The following DSE variants were observed in gnomAD, a reference collection of about 807,000 sequenced individuals.
DSE encodes dermatan sulfate epimerase.
DSE carries 36 observed loss-of-function variants against 84.4 expected under a neutral mutation model. The observed-to-expected ratio is 0.43, with a 90% CI of 0.33 to 0.56. DSE has a LOEUF of 0.56. Ranked by LOEUF, DSE falls within the 20% of genes least tolerant of loss-of-function variation. The probability of loss-of-function intolerance (pLI) is 0.06; values close to 1 mark genes in which losing one functional copy is unlikely to be tolerated. For synonymous variants in DSE, 410 were observed against 430.1 expected (o/e 0.95, Z 0.58); for missense variants, 862 against 1,169.6 (o/e 0.74, Z 3.84).
intron 2 of DSE, among the ~76,000 whole-genome samples, chr6:116,411,005 G>A (rs564373699): frequency 1.8e-4 from 28 of 152,096 alleles, no homozygotes; most frequent in Admixed American, 3.3e-4. Context: ...AGCTATTGAG[G>A]AATGCTATAA....
chr6:116,352,711 T>G (rs1307755619), intron 2 of DSE, among the ~76,000 whole-genome samples: 1 of 151,924 alleles, frequency 6.6e-6, no homozygotes, highest in Non-Finnish European at 1.5e-5. Flanking sequence ...AAATGTTAGG[T>G]CTGAGAGTTT....
At chr6:116,431,252 G>T in intron 4 of DSE, 59 bp downstream of exon 4, 1 of 1,590,090 alleles carries the variant, frequency 6.3e-7, no homozygotes, top group South Asian at 1.1e-5. Flanking sequence ...TTCTGATTAT[G>T]AAAATGAGCT....
At chr6:116,278,681 G>A in intron 2 of DSE, 3 of 1,614,124 alleles carry the variant, frequency 1.9e-6, no homozygotes, top group Non-Finnish European at 2.5e-6. Flanking sequence ...GGAAGGCTGT[G>A]GTCTGAAAAC....
chr6:116,299,504 T>TTA (rs71553739), intron 2 of DSE, among the ~76,000 whole-genome samples: 133 of 11,434 alleles, frequency 0.012, no homozygotes, highest in African/African-American at 0.025. Context: ...TGAATTATTT[T>TTA]TATATATATA....
At chr6:116,336,434 G>A (rs1201336484) in intron 2 of DSE, among the ~76,000 whole-genome samples, 1 of 152,112 alleles carries the variant, frequency 6.6e-6, no homozygotes, top group African/African-American at 2.4e-5. Context: ...AGTGATACAT[G>A]GTCTAATGTA....
At chr6:116,386,705 T>A (rs1780596615) in intron 1 of DSE, among the ~76,000 whole-genome samples, 1 of 152,222 alleles carries the variant, frequency 6.6e-6, no homozygotes, top group Non-Finnish European at 1.5e-5. Flanking sequence ...AAAGTGTTAC[T>A]GCCATGTAAC....
At chr6:116,268,013 G>T (rs1772709824) in intron 2 of DSE, among the ~76,000 whole-genome samples, 1 of 152,166 alleles carries the variant, frequency 6.6e-6, no homozygotes, top group African/African-American at 2.4e-5. Flanking sequence ...TTTGAGATGA[G>T]ATTTGGGTGG....
intron 1 of DSE, among the ~76,000 whole-genome samples, chr6:116,395,099 T>A (rs1341037201): frequency 6.6e-6 from 1 of 152,216 alleles, no homozygotes; most frequent in Non-Finnish European, 1.5e-5. Flanking sequence ...TTTGAGATAG[T>A]GTGTGTGTTT....
intron 2 of DSE, among the ~76,000 whole-genome samples, chr6:116,340,507 T>C (rs1777527553): frequency 6.6e-6 from 1 of 152,222 alleles, no homozygotes; most frequent in Admixed American, 6.5e-5. Context: ...ATTATTATTC[T>C]ACTTTAAGTT....
At chr6:116,429,562 G>A (rs115760071) in intron 3 of DSE, among the ~76,000 whole-genome samples, 2,013 of 152,226 alleles carry the variant, frequency 0.013, 44 homozygotes, top group African/African-American at 0.044. Flanking sequence ...ACAAGTCAGC[G>A]TTTCTGTTTT....
intron 2 of DSE, among the ~76,000 whole-genome samples, chr6:116,359,471 T>C (rs895510558): frequency 1.3e-5 from 2 of 152,216 alleles, no homozygotes; most frequent in Non-Finnish European, 2.9e-5. Flanking sequence ...AAATATACTT[T>C]TCTTCCTATT....
At position 116,436,779 on chromosome 6, in the gene DSE, A is replaced by T; in HGVS notation, c.2311A>T (p.Arg771Trp). 6.2e-7 allele frequency: 1 copy of T among 1,614,168 alleles called. No homozygotes were observed. The highest frequency in any genetic ancestry group is 8.5e-7 in the Non-Finnish European group (1 of 1,180,020). ...LSRVRNTASF[R>W]KTAERLLRFS... is the part of the protein sequence containing the mutation. ...CCGAGTCCGGAACACAGCTAGCTTT[A>T]GGAAGACTGCTGAACGCCTGCTGAG... Residue 771 changes from arginine (R) to tryptophan (W), a missense_variant, in exon 6 of 6, where the codon AGG (arginine) becomes TGG (tryptophan). Coordinates refer to ENST00000644252, the MANE Select transcript of DSE (RefSeq NM_013352.4).
intron 2 of DSE, among the ~76,000 whole-genome samples, chr6:116,305,367 A>G (rs1775283445): frequency 1.3e-5 from 2 of 152,208 alleles, no homozygotes; most frequent in African/African-American, 4.8e-5. Context: ...TTGTTGCTTT[A>G]AAAGTTCTCA....
intron 1 of DSE, chr6:116,257,068 G>A (rs2114586521): frequency 6.6e-6 from 1 of 152,266 alleles, no homozygotes; most frequent in African/African-American, 2.4e-5. Flanking sequence ...ATAAAGATTG[G>A]AAAATTTGTG....
At chr6:116,371,744 G>A (rs1363900370) in intron 1 of DSE, among the ~76,000 whole-genome samples, 1 of 152,236 alleles carries the variant, frequency 6.6e-6, no homozygotes, top group East Asian at 1.9e-4. Context: ...AGGCAGTCCC[G>A]GGGAGGGGAG....
chr6:116,320,135 A>G (rs1225965941), intron 2 of DSE, among the ~76,000 whole-genome samples: 1 of 152,206 alleles, frequency 6.6e-6, no homozygotes, highest in Non-Finnish European at 1.5e-5. Context: ...CAAAGATTAC[A>G]TTACCAGATT....
intron 2 of DSE, among the ~76,000 whole-genome samples, chr6:116,334,635 T>TC (rs2114800054): frequency 6.6e-6 from 1 of 152,304 alleles, no homozygotes; most frequent in Admixed American, 6.5e-5. Flanking sequence ...TAGGTTATCT[T>TC]CCAGAGTTTT....
intron 1 of DSE, among the ~76,000 whole-genome samples, chr6:116,377,722 C>T (rs1026905481): frequency 1.3e-5 from 2 of 152,134 alleles, no homozygotes; most frequent in African/African-American, 2.4e-5. Flanking sequence ...TTTAAAAATA[C>T]TTTACACCAA....
At chr6:116,385,650 C>T (rs1375097914) in intron 1 of DSE, among the ~76,000 whole-genome samples, 1 of 152,050 alleles carries the variant, frequency 6.6e-6, no homozygotes, top group Admixed American at 6.5e-5. Flanking sequence ...CATTGTTTTA[C>T]AAACCAAGTC....
Sources: allele counts gnomAD v4.1 joint callset (sites outside exome capture counted in the v4.1 genomes callset), GRCh38; gene constraint gnomAD v4.1.1; transcripts MANE v1.5; gene names NCBI Gene and HGNC (gene_info 2026-07-23, HGNC 2026-07-21).